Variants in COP1 observed in about 807,000 individuals in gnomAD.
COP1 encodes the protein E3 ubiquitin-protein ligase COP1.
COP1 carries 24 observed loss-of-function variants against 101.3 expected under a neutral mutation model. The observed-to-expected ratio is 0.24, with a 90% confidence interval of 0.17 to 0.33. COP1 has a LOEUF of 0.33. Among genes scored for constraint, COP1 ranks in the 10% least tolerant of loss-of-function variants. The pLI is 1.00. For synonymous variants in COP1, 347 were observed against 341.9 expected (o/e 1.01, Z -0.17); for missense variants, 663 against 906.2 (o/e 0.73, Z 3.45).
chr1:176,073,619 T>G (rs1677401729), intron 11 of COP1, among the ~76,000 whole-genome samples: 1 of 152,198 alleles, frequency 6.6e-6, no homozygotes, highest in African/African-American at 2.4e-5. Context: ...TCCTTGCCAT[T>G]GCTAACCTAG....
intron 18 of COP1, among the ~76,000 whole-genome samples, chr1:175,983,012 G>A (rs1400191929): frequency 1.3e-5 from 2 of 152,138 alleles, no homozygotes; most frequent in Non-Finnish European, 2.9e-5. Context: ...TTTCAATATT[G>A]TTAAGAGAAT....
intron 1 of COP1, among the ~76,000 whole-genome samples, chr1:176,204,147 T>C (rs1042994085): frequency 1.3e-5 from 2 of 152,194 alleles, no homozygotes; most frequent in Non-Finnish European, 2.9e-5. Context: ...AGTTGAGAAC[T>C]GGGAAATCTG....
chr1:175,982,840 T>C (rs973057244), intron 18 of COP1, among the ~76,000 whole-genome samples: 4 of 151,978 alleles, frequency 2.6e-5, no homozygotes, highest in Non-Finnish European at 4.4e-5. Flanking sequence ...CTCAGAGAAA[T>C]AGAGAATAGA....
intron 11 of COP1, among the ~76,000 whole-genome samples, chr1:176,075,245 G>A (rs772485794): frequency 2.6e-5 from 4 of 151,328 alleles, no homozygotes; most frequent in Non-Finnish European, 4.4e-5. Context: ...ATAAAGGAAT[G>A]TATGATTTTT....
At chr1:176,163,960 C>A in intron 3 of COP1, 69 bp from the exon 4 acceptor site, 1 of 1,015,368 alleles carries the variant, frequency 9.8e-7, no homozygotes, top group South Asian at 1.5e-5. Context: ...TGTAATTCTT[C>A]GGTTTAGATA....
chr1:176,004,550 T>A (rs1176845743), intron 15 of COP1, among the ~76,000 whole-genome samples: 2 of 152,074 alleles, frequency 1.3e-5, no homozygotes, highest in Non-Finnish European at 2.9e-5. Flanking sequence ...TATTGAGAGT[T>A]TTTAGCATGA....
At chr1:175,987,646 T>C (rs149775934) in intron 17 of COP1, among the ~76,000 whole-genome samples, 35 of 152,312 alleles carry the variant, frequency 2.3e-4, no homozygotes, top group East Asian at 1.5e-3. Flanking sequence ...CTATTAAAGA[T>C]AGAATAATTG....
rs559015066 is a variant in COP1 at position 176,140,413 on chromosome 1, A to T, written c.832-3866T>A. Among the ~76,000 whole-genome samples the T allele has an allele frequency of 5.3e-5, 8 of 152,330 alleles. No individual in the cohort carries two copies. The South Asian group carries it at 8.3e-4, about 16-fold the overall frequency. On this transcript the variant is annotated intron_variant, in intron 6 of 19. Transcript: ENST00000367669. ...CAAGGTATCAGGCAAGAAATATTAA[A>T]AAGAAAAAAGTTTGGAAGACTGAAA...
At chr1:176,167,455 G>C (rs1479921503) in intron 3 of COP1, among the ~76,000 whole-genome samples, 2 of 152,026 alleles carry the variant, frequency 1.3e-5, no homozygotes, top group African/African-American at 4.8e-5. Context: ...AAATCTTGAT[G>C]ACATGCTCCT....
chr1:176,061,587 T>C (rs1040936645), intron 11 of COP1, among the ~76,000 whole-genome samples: 1 of 151,996 alleles, frequency 6.6e-6, no homozygotes, highest in Non-Finnish European at 1.5e-5. Flanking sequence ...GATCACGCCA[T>C]TGAACTCCAG....
At chr1:175,993,226 C>G (rs2148786828) in intron 15 of COP1, among the ~76,000 whole-genome samples, 1 of 152,302 alleles carries the variant, frequency 6.6e-6, no homozygotes, top group South Asian at 2.1e-4. Context: ...AGGACATCCA[C>G]ACCAAAAACC....
chr1:175,962,280 G>A (rs556689087), intron 18 of COP1, among the ~76,000 whole-genome samples: 1 of 152,080 alleles, frequency 6.6e-6, no homozygotes, highest in South Asian at 2.1e-4. Flanking sequence ...GGAATTCCCT[G>A]TACCCCAGTT....
intron 15 of COP1, among the ~76,000 whole-genome samples, chr1:176,015,039 G>C (rs765540545): frequency 2.6e-5 from 4 of 152,178 alleles, no homozygotes; most frequent in Non-Finnish European, 5.9e-5. Context: ...CTCCTTGACA[G>C]AGGGTTTTCA....
intron 1 of COP1, among the ~76,000 whole-genome samples, chr1:176,186,913 G>C (rs1180827817): frequency 6.6e-6 from 1 of 152,062 alleles, no homozygotes; most frequent in Non-Finnish European, 1.5e-5. Context: ...CTGAAAACTG[G>C]AAGAAATGAC....
intron 3 of COP1, among the ~76,000 whole-genome samples, chr1:176,173,344 A>AAC (rs397982033): frequency 3.4e-5 from 5 of 145,266 alleles, no homozygotes; most frequent in African/African-American, 1.0e-4. Context: ...AAAAAAAAAA[A>AAC]CCAGTAATTG....
chr1:175,978,810 A>C (rs995695844), intron 18 of COP1, among the ~76,000 whole-genome samples: 1 of 152,174 alleles, frequency 6.6e-6, no homozygotes, highest in Non-Finnish European at 1.5e-5. Context: ...GAAAGAGAAG[A>C]AGCTTCTATG....
chr1:176,004,901 T>G (rs934916387), intron 15 of COP1, among the ~76,000 whole-genome samples: 1 of 151,776 alleles, frequency 6.6e-6, no homozygotes, highest in Non-Finnish European at 1.5e-5. Context: ...CTTTTTCTAT[T>G]GATTGGAATA....
chr1:176,027,672 G>A lies in COP1; in HGVS notation c.1629C>T (p.Thr543=), dbSNP rs748670023. The A allele has an allele frequency of 2.5e-6, 4 of 1,606,650 alleles. No homozygotes were observed. In the South Asian group the frequency reaches 4.4e-5, roughly 18 times the overall value. The change falls in exon 15 of 20, where the codon ACC becomes ACT. Residue 543 remains threonine, a synonymous_variant. Coordinates refer to ENST00000367669, the MANE Select transcript of COP1 (RefSeq NM_022457.7). ...SDDAKVKLWS[T]NLDNSVASIE... is the part of the protein sequence containing the mutation. The stretch of plus-strand genomic sequence containing the variant: ...TGCTTGCCACTGAGTTGTCTAGATT[G>A]GTAGACCACAGCTTCACTAAGGGCA...
At chr1:176,125,931 T>A (rs1038968519) in intron 8 of COP1, among the ~76,000 whole-genome samples, 4 of 152,184 alleles carry the variant, frequency 2.6e-5, no homozygotes, top group Admixed American at 1.3e-4. Context: ...ATTATAGATA[T>A]CTTTCACTTC....
Sources: gnomAD v4.1 joint callset for allele counts (sites outside exome capture counted in the v4.1 genomes callset) on GRCh38, gnomAD v4.1.1 for gene constraint, MANE v1.5 for transcripts, NCBI Gene and HGNC (gene_info 2026-07-23, HGNC 2026-07-21) for gene names.